ZDHHC15: variants seen among roughly 807,000 people sequenced by gnomAD.
ZDHHC15 encodes zDHHC palmitoyltransferase 15.
ZDHHC15 carries 19 observed loss-of-function variants against 31.7 expected under a neutral mutation model. That is an observed-to-expected ratio of 0.60 (90% confidence interval 0.42 to 0.88). The LOEUF is 0.88. ZDHHC15 is among the 40% of genes least tolerant of loss of function. The pLI is 0.00. For missense variants in ZDHHC15, 209 were observed against 251.2 expected (o/e 0.83, Z 1.14); for synonymous variants, 103 against 90.0 (o/e 1.14, Z -0.82).
intron 1 of ZDHHC15, among the ~76,000 whole-genome samples, chrX:75,519,123 T>C (rs1156999052): frequency 1.8e-5 from 2 of 109,687 alleles, no homozygotes; most frequent in Non-Finnish European, 1.9e-5. Context: ...TGGAACTACA[T>C]AGAGGTGATG....
intron 1 of ZDHHC15, among the ~76,000 whole-genome samples, chrX:75,516,692 T>C (rs1286213663): frequency 8.9e-6 from 1 of 112,196 alleles, no homozygotes; most frequent in East Asian, 2.8e-4. Flanking sequence ...ACCTCATGAC[T>C]AAAACACCAA....
At chrX:75,454,062 T>C in intron 3 of ZDHHC15, among the ~76,000 whole-genome samples, 1 of 111,370 alleles carries the variant, frequency 9.0e-6, no homozygotes, top group East Asian at 2.8e-4. Flanking sequence ...GAGAACGAAA[T>C]AAAGAGTATT....
At chrX:75,474,228 G>A (rs1298160309) in intron 3 of ZDHHC15, among the ~76,000 whole-genome samples, 1 of 109,969 alleles carries the variant, frequency 9.1e-6, no homozygotes, top group Non-Finnish European at 1.9e-5. Context: ...TGAATATAAA[G>A]CAGGCAGAAA....
intron 3 of ZDHHC15, among the ~76,000 whole-genome samples, chrX:75,462,884 C>T (rs1451503917): frequency 1.8e-5 from 2 of 110,737 alleles, no homozygotes; most frequent in Admixed American, 1.9e-4. Flanking sequence ...AGCAAAGAAA[C>T]ACCAAAGCTA....
chrX:75,432,578 A>T (rs73625846), intron 4 of ZDHHC15, among the ~76,000 whole-genome samples: 1,312 of 111,604 alleles, frequency 0.012, 24 homozygotes, highest in African/African-American at 0.041. Flanking sequence ...TTTAAGCCAC[A>T]TTGTCTCTTA....
At chrX:75,454,142 A>T (rs1317149680) in intron 3 of ZDHHC15, among the ~76,000 whole-genome samples, 1 of 111,783 alleles carries the variant, frequency 8.9e-6, no homozygotes, top group Non-Finnish European at 1.9e-5. Flanking sequence ...AGAAAACCCC[A>T]TCGTCTCAGC....
chrX:75,478,088 T>C (rs1382261485), intron 3 of ZDHHC15, among the ~76,000 whole-genome samples: 1 of 111,524 alleles, frequency 9.0e-6, no homozygotes, highest in Non-Finnish European at 1.9e-5. Context: ...TAATTTAGAG[T>C]AGTTACACAT....
chrX:75,447,005 T>C (rs1367561693), intron 4 of ZDHHC15, among the ~76,000 whole-genome samples: 1 of 112,136 alleles, frequency 8.9e-6, no homozygotes, highest in Admixed American at 9.5e-5. Context: ...AGTCAGCCTC[T>C]TTCCCTACCC....
At chrX:75,436,282 G>A (rs75560521) in intron 4 of ZDHHC15, among the ~76,000 whole-genome samples, 1 of 111,586 alleles carries the variant, frequency 9.0e-6, no homozygotes, top group Non-Finnish European at 1.9e-5. Context: ...CGAAGAACAA[G>A]CTTTTCGTTT....
chrX:75,431,110 A>C (rs1035986403), intron 5 of ZDHHC15, among the ~76,000 whole-genome samples: 1 of 112,225 alleles, frequency 8.9e-6, no homozygotes, highest in Non-Finnish European at 1.9e-5. Flanking sequence ...TATCAGTATT[A>C]GTTCATTAAT....
chrX:75,432,989 A>C (rs1158207910), intron 4 of ZDHHC15, among the ~76,000 whole-genome samples: 1 of 109,882 alleles, frequency 9.1e-6, no homozygotes, highest in Non-Finnish European at 1.9e-5. Context: ...GTTTCTAAAA[A>C]TAAAAAAAAA....
At chrX:75,404,488 G>C (rs891909432) in intron 10 of ZDHHC15, among the ~76,000 whole-genome samples, 1 of 111,922 alleles carries the variant, frequency 8.9e-6, no homozygotes, top group Non-Finnish European at 1.9e-5. Flanking sequence ...TCTGACAAAG[G>C]TCTAATATCT....
chrX:75,520,830 A>G (rs2085431770), intron 1 of ZDHHC15, among the ~76,000 whole-genome samples: 1 of 111,464 alleles, frequency 9.0e-6, no homozygotes, highest in Non-Finnish European at 1.9e-5. Context: ...ATTTTCCATA[A>G]TATCTCTAAG....
intron 1 of ZDHHC15, among the ~76,000 whole-genome samples, chrX:75,511,636 A>T (rs966977918): frequency 2.8e-5 from 3 of 105,928 alleles, no homozygotes; most frequent in African/African-American, 1.0e-4. Flanking sequence ...GGTGTTTTGG[A>T]CATGAAGTCC....
At chrX:75,462,961 C>CA (rs780651176) in intron 3 of ZDHHC15, among the ~76,000 whole-genome samples, 19 of 109,940 alleles carry the variant, frequency 1.7e-4, no homozygotes, top group East Asian at 5.7e-4. Flanking sequence ...AAAAACTCTT[C>CA]AAAAAAAATC....
chrX:75,407,801 C>G (rs1162318092), intron 10 of ZDHHC15, among the ~76,000 whole-genome samples: 1 of 112,546 alleles, frequency 8.9e-6, no homozygotes, highest in Non-Finnish European at 1.9e-5. Context: ...AAAGAGAAAT[C>G]AGATTGTTGC....
intron 3 of ZDHHC15, among the ~76,000 whole-genome samples, chrX:75,467,568 T>C (rs931722334): frequency 8.9e-6 from 1 of 112,300 alleles, no homozygotes; most frequent in Non-Finnish European, 1.9e-5. Flanking sequence ...GTACTCTCCT[T>C]TTCTTTTTAC....
intron 4 of ZDHHC15, among the ~76,000 whole-genome samples, chrX:75,444,871 C>G (rs2084011787): frequency 9.2e-6 from 1 of 108,305 alleles, no homozygotes; most frequent in Non-Finnish European, 1.9e-5. Flanking sequence ...AAACATCAGT[C>G]TGTCAGACTG....
intron 4 of ZDHHC15, among the ~76,000 whole-genome samples, chrX:75,441,201 C>G (rs930475324): frequency 2.7e-5 from 3 of 111,717 alleles, no homozygotes; most frequent in Non-Finnish European, 5.6e-5. Context: ...GGATTCTGCC[C>G]AAGAAAATTC....
Sources: allele counts gnomAD v4.1 joint callset (sites outside exome capture counted in the v4.1 genomes callset), GRCh38; gene constraint gnomAD v4.1.1; transcripts MANE v1.5; gene names NCBI Gene and HGNC (gene_info 2026-07-23, HGNC 2026-07-21).